Variants in SCFD2 observed in about 807,000 individuals in gnomAD.
The protein encoded by SCFD2 is sec1 family domain containing 2, also known as sec1 family domain-containing protein 2.
In SCFD2, 54 loss-of-function variants were observed where a neutral mutation model predicts 58.9. That is an observed-to-expected ratio of 0.92 (90% CI 0.74 to 1.15). SCFD2 has a LOEUF of 1.15. Among genes scored for constraint, SCFD2 ranks in the 50% most tolerant of loss-of-function variants. The probability of loss-of-function intolerance (pLI) is 0.00; values close to 1 mark genes in which losing one functional copy is unlikely to be tolerated. For missense variants in SCFD2, 805 were observed against 836.6 expected, an observed-to-expected ratio of 0.96 and a Z score of 0.47; for synonymous variants, 321 against 335.9, an observed-to-expected ratio of 0.96 and a Z score of 0.49.
intron 4 of SCFD2, among the ~76,000 whole-genome samples, chr4:53,207,327 G>T (rs1487486617): frequency 7.0e-6 from 1 of 143,228 alleles, no homozygotes; most frequent in Non-Finnish European, 1.5e-5. Context: ...AAAAAAAAAA[G>T]GATGATGGCA....
chr4:52,883,578 C>T (rs975116438), intron 8 of SCFD2, among the ~76,000 whole-genome samples: 3 of 152,148 alleles, frequency 2.0e-5, no homozygotes, highest in Non-Finnish European at 2.9e-5. Flanking sequence ...ACTCAGGTCA[C>T]AGGACTTTGA....
At chr4:53,182,429 C>G (rs893635513) in intron 4 of SCFD2, among the ~76,000 whole-genome samples, 14 of 152,142 alleles carry the variant, frequency 9.2e-5, no homozygotes, top group African/African-American at 3.4e-4. Context: ...ATAAATGGTG[C>G]TGGGAAAACT....
intron 5 of SCFD2, among the ~76,000 whole-genome samples, chr4:53,108,396 C>T (rs1001208651): frequency 1.1e-4 from 17 of 151,264 alleles, no homozygotes; most frequent in East Asian, 5.8e-4. Flanking sequence ...TATAGAGACA[C>T]GAAAAACCCT....
At chr4:53,209,391 T>C (rs1382795647) in intron 4 of SCFD2, among the ~76,000 whole-genome samples, 3 of 152,164 alleles carry the variant, frequency 2.0e-5, no homozygotes, top group South Asian at 2.1e-4. Context: ...GATGCTGAGG[T>C]TGGAAAAGTG....
intron 4 of SCFD2, among the ~76,000 whole-genome samples, chr4:53,251,582 T>C (rs1429143936): frequency 5.3e-5 from 8 of 152,018 alleles, no homozygotes; most frequent in South Asian, 4.1e-4. Context: ...GTTCAATATA[T>C]GAAAATCAAT....
At chr4:53,169,168 G>T (rs1409821206) in intron 4 of SCFD2, among the ~76,000 whole-genome samples, 1 of 152,104 alleles carries the variant, frequency 6.6e-6, no homozygotes, top group African/African-American at 2.4e-5. Flanking sequence ...CTGAGGTCAG[G>T]GGTTCAAGAC....
chr4:53,259,030 GA>G (rs987014658), intron 4 of SCFD2, among the ~76,000 whole-genome samples: 3 of 152,146 alleles, frequency 2.0e-5, no homozygotes, highest in African/African-American at 7.2e-5. Context: ...CTTCTTTTGA[GA>G]ATTGTCTATT....
At chr4:52,878,816 A>G (rs898603552) in intron 8 of SCFD2, among the ~76,000 whole-genome samples, 5 of 152,132 alleles carry the variant, frequency 3.3e-5, no homozygotes, top group African/African-American at 1.2e-4. Flanking sequence ...GTGATGCTCA[A>G]TGCTTGCCCA....
At chr4:52,915,058 T>C (rs891992889) in intron 6 of SCFD2, among the ~76,000 whole-genome samples, 8 of 152,342 alleles carry the variant, frequency 5.3e-5, no homozygotes, top group Admixed American at 5.2e-4. Context: ...GAAGATTCTT[T>C]TGTTGACTTG....
chr4:53,229,639 T>G (rs1048060405), intron 4 of SCFD2, among the ~76,000 whole-genome samples: 2 of 152,194 alleles, frequency 1.3e-5, no homozygotes, highest in African/African-American at 4.8e-5. Flanking sequence ...ATTAAAGACT[T>G]ACATGTTAGA....
chr4:53,205,629 G>A (rs1728381334), intron 4 of SCFD2, among the ~76,000 whole-genome samples: 1 of 152,010 alleles, frequency 6.6e-6, no homozygotes, highest in African/African-American at 2.4e-5. Context: ...GGAGGCCGAG[G>A]TGGGCGGATC....
chr4:53,215,437 T>C (rs1285801724), intron 4 of SCFD2, among the ~76,000 whole-genome samples: 1 of 152,078 alleles, frequency 6.6e-6, no homozygotes, highest in African/African-American at 2.4e-5. Context: ...AGTTCACTCA[T>C]GATTTGGCTG....
chr4:53,128,266 C>T (rs1473878277), intron 5 of SCFD2, among the ~76,000 whole-genome samples: 3 of 152,130 alleles, frequency 2.0e-5, no homozygotes, highest in Admixed American at 1.3e-4. Flanking sequence ...ATCCTGATGG[C>T]TTTTGTTCTG....
intron 4 of SCFD2, among the ~76,000 whole-genome samples, chr4:53,182,806 AG>A (rs1260835910): frequency 2.0e-5 from 3 of 152,002 alleles, no homozygotes; most frequent in Admixed American, 1.3e-4. Flanking sequence ...CAAATTTACA[AG>A]AAAAAAAAAA....
chr4:53,329,052 C>T (rs1733323757), intron 2 of SCFD2, among the ~76,000 whole-genome samples: 1 of 152,256 alleles, frequency 6.6e-6, no homozygotes, highest in African/African-American at 2.4e-5. Context: ...TAAAAAACGG[C>T]ACACCACGAG....
intron 4 of SCFD2, among the ~76,000 whole-genome samples, chr4:53,150,116 ACT>A (rs1726462171): frequency 6.6e-6 from 1 of 152,166 alleles, no homozygotes; most frequent in South Asian, 2.1e-4. Context: ...GTATACAGAA[ACT>A]CTCTGTACTA....
At chr4:52,898,839 G>A (rs564046343) in intron 7 of SCFD2, among the ~76,000 whole-genome samples, 217 of 152,302 alleles carry the variant, frequency 1.4e-3, no homozygotes, top group African/African-American at 5.0e-3. Context: ...GGGTGCTCCT[G>A]TATTGGGTGC....
chr4:53,130,252 T>G (rs1166201641), intron 5 of SCFD2, among the ~76,000 whole-genome samples: 1 of 152,166 alleles, frequency 6.6e-6, no homozygotes, highest in Non-Finnish European at 1.5e-5. Flanking sequence ...TTTTAGGTTT[T>G]TAAGACACTA....
At chr4:53,194,830 C>T (rs780582668) in intron 4 of SCFD2, among the ~76,000 whole-genome samples, 6 of 152,060 alleles carry the variant, frequency 3.9e-5, no homozygotes, top group African/African-American at 4.8e-5. Flanking sequence ...TACACACGAG[C>T]GACACTCTGT....
Sources: gnomAD v4.1 joint callset for allele counts (sites outside exome capture counted in the v4.1 genomes callset) on GRCh38, gnomAD v4.1.1 for gene constraint, MANE v1.5 for transcripts, NCBI Gene and HGNC (gene_info 2026-07-23, HGNC 2026-07-21) for gene names.